Variants in FSTL5 observed in about 807,000 individuals in gnomAD.
The protein encoded by FSTL5 is follistatin-related protein 5.
In FSTL5, 62 loss-of-function variants were observed where a neutral mutation model predicts 89.1. That is an observed-to-expected ratio of 0.70 (90% CI 0.57 to 0.86). FSTL5 has a LOEUF of 0.86. Among genes scored for constraint, FSTL5 ranks in the 40% least tolerant of loss-of-function variants. FSTL5 has a pLI of 0.00. For synonymous variants in FSTL5, 383 were observed against 346.2 expected (o/e 1.11, Z -1.18); for missense variants, 1,057 against 1,001.6 (o/e 1.06, Z -0.75).
intron 4 of FSTL5, among the ~76,000 whole-genome samples, chr4:161,883,449 A>C (rs1371063326): frequency 6.6e-6 from 1 of 152,186 alleles, no homozygotes; most frequent in African/African-American, 2.4e-5. Context: ...CATTACTGTC[A>C]ATCTTATATT....
chr4:161,941,021 G>A (rs929095976), intron 3 of FSTL5, among the ~76,000 whole-genome samples: 2 of 151,690 alleles, frequency 1.3e-5, no homozygotes, highest in Non-Finnish European at 3.0e-5. Context: ...CAACATAAAG[G>A]GAGAGGAATG....
At chr4:161,672,939 T>C (rs1737172516) in intron 6 of FSTL5, among the ~76,000 whole-genome samples, 2 of 151,990 alleles carry the variant, frequency 1.3e-5, no homozygotes, top group African/African-American at 4.8e-5. Context: ...TTTTAAAATA[T>C]CACTGCCTTG....
chr4:161,399,573 T>G (rs1578944045), intron 15 of FSTL5, among the ~76,000 whole-genome samples: 1 of 152,212 alleles, frequency 6.6e-6, no homozygotes, highest in African/African-American at 2.4e-5. Context: ...TTTTTTCATA[T>G]TATGACTTAA....
intron 4 of FSTL5, among the ~76,000 whole-genome samples, chr4:161,777,224 C>T (rs898417218): frequency 3.7e-5 from 5 of 133,582 alleles, no homozygotes; most frequent in African/African-American, 1.4e-4. Flanking sequence ...ATTTTTATGA[C>T]TGAATAATAT....
intron 10 of FSTL5, among the ~76,000 whole-genome samples, chr4:161,537,483 A>C (rs1229651419): frequency 3.9e-5 from 6 of 152,236 alleles, no homozygotes; most frequent in Non-Finnish European, 8.8e-5. Context: ...AGTTCCAAAC[A>C]ATTCGGCTAT....
chr4:161,741,248 T>C (rs1321183468), intron 6 of FSTL5, among the ~76,000 whole-genome samples: 1 of 152,158 alleles, frequency 6.6e-6, no homozygotes, highest in African/African-American at 2.4e-5. Flanking sequence ...AGACAGCTAA[T>C]TAACTGACCT....
intron 6 of FSTL5, among the ~76,000 whole-genome samples, chr4:161,725,611 T>G (rs768003514): frequency 6.6e-6 from 1 of 152,034 alleles, no homozygotes. Flanking sequence ...ATTTTTAGTA[T>G]TGTTATTCAG....
At chr4:161,650,626 T>C (rs1445337652) in intron 7 of FSTL5, among the ~76,000 whole-genome samples, 2 of 152,194 alleles carry the variant, frequency 1.3e-5, no homozygotes, top group South Asian at 2.1e-4. Context: ...ATACATTTCA[T>C]TGAAAACATG....
At chr4:161,516,706 AATAT>A (rs146526619) in intron 10 of FSTL5, among the ~76,000 whole-genome samples, 28,983 of 123,658 alleles carry the variant, frequency 0.23, 4,753 homozygotes, top group Middle Eastern at 0.37. Flanking sequence ...ATTATATGTA[AATAT>A]ATATATATAT....
chr4:162,102,779 T>C (rs1442542037), intron 2 of FSTL5, among the ~76,000 whole-genome samples: 1 of 146,926 alleles, frequency 6.8e-6, no homozygotes, highest in South Asian at 2.1e-4. Context: ...TTTATATATA[T>C]ATTTATATAT....
chr4:161,680,137 ATT>A (rs1560786033), intron 6 of FSTL5, among the ~76,000 whole-genome samples: 2 of 151,930 alleles, frequency 1.3e-5, no homozygotes, highest in African/African-American at 4.8e-5. Context: ...TTACATAATT[ATT>A]TGTTTATAGA....
At chr4:162,128,998 C>T (rs1415797860) in intron 1 of FSTL5, among the ~76,000 whole-genome samples, 2 of 149,456 alleles carry the variant, frequency 1.3e-5, no homozygotes, top group African/African-American at 5.0e-5. Flanking sequence ...CTGGGCGGCT[C>T]GCTGCAACCT....
intron 13 of FSTL5, among the ~76,000 whole-genome samples, chr4:161,465,400 G>A (rs1733717332): frequency 6.6e-6 from 1 of 151,994 alleles, no homozygotes; most frequent in African/African-American, 2.4e-5. Context: ...TTAGTTATGT[G>A]CTCATATTTT....
intron 15 of FSTL5, among the ~76,000 whole-genome samples, chr4:161,393,321 C>T (rs1162388792): frequency 6.6e-6 from 1 of 151,292 alleles, no homozygotes; most frequent in Non-Finnish European, 1.5e-5. Flanking sequence ...ACCATATGAC[C>T]AAATTCAATA....
intron 3 of FSTL5, among the ~76,000 whole-genome samples, chr4:161,977,621 A>AT (rs1735690457): frequency 1.6e-4 from 10 of 64,448 alleles, no homozygotes; most frequent in South Asian, 9.4e-4. Flanking sequence ...TCAAAAAAAA[A>AT]AAAAAAAAAA....
At chr4:162,040,411 C>T (rs1560986242) in intron 2 of FSTL5, among the ~76,000 whole-genome samples, 2 of 151,994 alleles carry the variant, frequency 1.3e-5, no homozygotes. Flanking sequence ...TACTCATGAA[C>T]ATGTGAGCTT....
chr4:161,994,729 T>C (rs1736237948), intron 3 of FSTL5, among the ~76,000 whole-genome samples: 1 of 152,228 alleles, frequency 6.6e-6, no homozygotes, highest in South Asian at 2.1e-4. Context: ...ATGAGGTGTT[T>C]TGTTTTTTTC....
At chr4:162,063,952 G>A (rs1398229440) in intron 2 of FSTL5, among the ~76,000 whole-genome samples, 3 of 151,648 alleles carry the variant, frequency 2.0e-5, no homozygotes, top group Non-Finnish European at 4.4e-5. Flanking sequence ...CTTTTATCTG[G>A]TATAGATGAT....
intron 4 of FSTL5, among the ~76,000 whole-genome samples, chr4:161,897,141 G>C (rs1897295): frequency 0.84 from 126,639 of 151,448 alleles, 53,511 homozygotes; most frequent in Non-Finnish European, 0.9. Context: ...AAAAGAAGAA[G>C]CCTAATATTC....
Sources: allele counts gnomAD v4.1 joint callset (sites outside exome capture counted in the v4.1 genomes callset), GRCh38; gene constraint gnomAD v4.1.1; transcripts MANE v1.5; gene names NCBI Gene and HGNC (gene_info 2026-07-23, HGNC 2026-07-21).